C19orf84: variants seen among roughly 807,000 people sequenced by gnomAD.
C19orf84 encodes the protein chromosome 19 open reading frame 84.
Under a neutral mutation model 4.0 loss-of-function variants are expected in C19orf84, and 1 was observed. That is an observed-to-expected ratio of 0.25 (90% confidence interval 0.09 to 1.19). The LOEUF (loss-of-function observed/expected upper bound fraction) is 1.19, where lower values mean the gene tolerates loss of function less well. Among genes scored for constraint, C19orf84 ranks in the 50% most tolerant of loss-of-function variants. The pLI is 0.50. For missense variants in C19orf84, 224 were observed against 246.8 expected, an observed-to-expected ratio of 0.91 and a Z score of 0.62; for synonymous variants, 123 against 109.6, an observed-to-expected ratio of 1.12 and a Z score of -0.76.
Position 51,390,522 on chromosome 19 carries a change from G to C in C19orf84, c.-10C>G, listed in dbSNP as rs1347693915. Reference sequence around the variant, plus strand: ...CCTTTGGTTGTTCCATCTCCACTGGGGCCCTCTTACGTATCTTCTAGCAAC... The same window carrying C: ...CCTTTGGTTGTTCCATCTCCACTGGCGCCCTCTTACGTATCTTCTAGCAAC... On this transcript the variant is annotated 5_prime_UTR_variant, in exon 1 of 2. Transcript: ENST00000574814. 3.9e-6 allele frequency: 6 copies of C among 1,530,360 alleles called. No individual in the cohort carries two copies. The East Asian group carries it at 7.4e-5, about 19-fold the overall frequency. The allele number at this position is 1,530,360 out of a possible 1,614,324, so 94.8% of individuals were successfully genotyped here.
chr19:51,390,072 G>C (rs1394565167), intron 1 of C19orf84, among the ~76,000 whole-genome samples: 2 of 151,704 alleles, frequency 1.3e-5, no homozygotes, highest in Non-Finnish European at 2.9e-5. Context: ...TCTGCCTCTC[G>C]GGTTCAAGCG....
chr19:51,389,981 C>A lies in C19orf84; in HGVS notation c.36-472G>T, dbSNP rs983702080. On this transcript the variant is annotated intron_variant, in intron 1 of 1. Transcript: ENST00000574814. The surrounding 1 kb of genome is among the most constrained non-coding windows in gnomAD (Gnocchi z 4.7). ...CTGTTCGATGAGTATCTGTTTCTAG[C>A]TCTTTTTTTTTTTTGAGATGGGGTT... 6.6e-6 allele frequency among the ~76,000 whole-genome samples: 1 copy of A among 151,512 alleles called. No homozygotes were observed. The highest frequency in any genetic ancestry group is 1.5e-5 in the Non-Finnish European group (1 of 67,872).
rs1359217809 is a variant in C19orf84 at position 51,389,487 on chromosome 19, A to G, written c.58T>C (p.Ser20Pro). The change falls in exon 2 of 2, where the codon TCT (serine) becomes CCT (proline). Residue 20 changes from serine (S) to proline (P), a missense_variant. Coordinates refer to ENST00000574814, the MANE Select transcript of C19orf84 (RefSeq NM_001193623.2). The surrounding 1 kb of genome is among the most constrained non-coding windows in gnomAD (Gnocchi z 4.7). ...GCAGGGGGCCATGGCTCGGTCCCAG[A>G]TGACGGCAGGGACAGGTTGTTCCTA... is the stretch of plus-strand genomic sequence containing the variant. ...PEGNNLSLPS[S>P]GTEPWPPAPL... 1.7e-5 allele frequency: 25 copies of G among 1,431,070 alleles called. No individual in the cohort carries two copies. The highest frequency in any genetic ancestry group is 2.9e-5 in the Admixed American group (1 of 34,640). 88.6% of individuals were successfully genotyped at this position (1,431,070 alleles called of 1,614,324 possible).
In C19orf84 at chr19:51,390,490, G is replaced by GCC; in HGVS notation, c.21_22dup (p.Ala8GlyfsTer32). The stretch of plus-strand genomic sequence containing the variant: ...TTGTTTGTCTCACCCTTCAGGCCCA[G>GCC]CCCCGTCCTTTGGTTGTTCCATCTC... On this transcript the variant is annotated frameshift_variant, in exon 1 of 2. Transcript: ENST00000574814. LOFTEE classifies it low-confidence loss of function (END_TRUNC). 6.5e-7 allele frequency: 1 copy of GCC among 1,533,480 alleles called. No homozygotes were observed. Among genetic ancestry groups the GCC allele is most frequent in the Non-Finnish European group, 8.7e-7 (1 of 1,145,474 alleles). 95.0% of individuals were successfully genotyped at this position (1,533,480 alleles called of 1,614,324 possible).
rs891672297 is a variant in C19orf84, at chr19:51,390,357, T to G, written c.35+121A>C. On this transcript the variant is annotated intron_variant, in intron 1 of 1. Transcript: ENST00000574814. ...TACCTATGTGATGATACCTGAGCCT[T>G]TTTTGTTTTTCCTGATTCTCTATGC... 8.7e-6 allele frequency: 8 copies of G among 924,394 alleles called. No homozygotes were observed. The African/African-American group carries it at 1.4e-4, about 16-fold the overall frequency. 57.3% of individuals were successfully genotyped at this position (924,394 alleles called of 1,614,324 possible).
Position 51,389,538 on chromosome 19 carries a change from G to C in C19orf84, c.36-29C>G. 2 of 1,384,786 alleles carry C rather than the reference G, an allele frequency of 1.4e-6. No individual in the cohort carries two copies. The highest frequency in any genetic ancestry group is 3.6e-5 in the South Asian group (2 of 55,560). 85.8% of individuals were successfully genotyped at this position (1,384,786 alleles called of 1,614,324 possible). ...GAACAACAAAAAGACAGGTCAGTGG[G>C]GCTCAGCGTCTCCGTACTTTCTTGT... On this transcript the variant is annotated intron_variant, in intron 1 of 1. Coordinates refer to ENST00000574814, the MANE Select transcript of C19orf84 (RefSeq NM_001193623.2). The surrounding 1 kb of genome is among the most constrained non-coding windows in gnomAD (Gnocchi z 4.7).
Position 51,389,024 on chromosome 19 carries a change from T to G in C19orf84, c.521A>C (p.Glu174Ala), listed in dbSNP as rs1987189383. ...KEARGPEPPL[E>A]TPLAAEDWET... ...CCAGTCCTCAGCAGCCAGTGGTGTT[T>G]CCAGGGGTGGCTCTGGACCTCGAGC... is the stretch of plus-strand genomic sequence containing the variant. The change falls in exon 2 of 2, where the codon GAA (glutamate) becomes GCA (alanine). Residue 174 changes from glutamate to alanine, a missense_variant. Physicochemically the swap from Glu to Ala is moderately radical, Grantham distance 107 (BLOSUM62 -1). Coordinates refer to ENST00000574814, the MANE Select transcript of C19orf84 (RefSeq NM_001193623.2). The surrounding 1 kb of genome is among the most constrained non-coding windows in gnomAD (Gnocchi z 4.7). 5 of 1,535,744 alleles carry G rather than the reference T, an allele frequency of 3.3e-6. No homozygotes were observed. Among genetic ancestry groups the G allele is most frequent in the Middle Eastern group, 1.7e-4 (1 of 6,012 alleles).
At position 51,389,667 on chromosome 19, in the gene C19orf84, A is replaced by G. The variant is rs1987243354; in HGVS notation, c.36-158T>C. The stretch of plus-strand genomic sequence containing the variant: ...CCCCCGCTTCTCTCTTTTTGTTTCT[A>G]ACCCGGGTCTCTCTAAAGAAACAGA... On this transcript the variant is annotated intron_variant, in intron 1 of 1. Transcript: ENST00000574814. The surrounding 1 kb of genome is among the most constrained non-coding windows in gnomAD (Gnocchi z 4.7). 6.6e-6 allele frequency among the ~76,000 whole-genome samples: 1 copy of G among 152,158 alleles called. No individual in the cohort carries two copies. Among genetic ancestry groups the G allele is most frequent in the Non-Finnish European group, 1.5e-5 (1 of 67,984 alleles).
In C19orf84 at chr19:51,389,399, G is replaced by T; in HGVS notation, c.146C>A (p.Pro49Gln). ...CACGGTGACAGAGGCCACGCTCTCC[G>T]GGAGCCCCAGGTGGGTGGGGTCTGT... The part of the protein sequence containing the change: ...NSTDPTHLGL[P>Q]ESVASVTVPI... The change falls in exon 2 of 2, where the codon CCG becomes CAG. Residue 49 changes from proline (P) to glutamine (Q), a missense_variant. Pro to Gln is a moderately conservative substitution (Grantham distance 76, BLOSUM62 -1). Coordinates refer to ENST00000574814, the MANE Select transcript of C19orf84 (RefSeq NM_001193623.2). This position sits in a 1 kb window ranked among gnomAD's most constrained non-coding sequence, Gnocchi z 4.7. The T allele has an allele frequency of 6.7e-7, 1 of 1,494,952 alleles. No individual in the cohort carries two copies. 92.6% of individuals were successfully genotyped at this position (1,494,952 alleles called of 1,614,324 possible). A position where few individuals can be genotyped will look rare whatever the true frequency, so the allele number is the denominator to read the frequency against.
chr19:51,389,219 C>G lies in C19orf84; in HGVS notation c.326G>C (p.Trp109Ser). 2.6e-6 allele frequency: 4 copies of G among 1,534,278 alleles called. No homozygotes were observed. Among genetic ancestry groups the G allele is most frequent in the Non-Finnish European group, 3.5e-6 (4 of 1,145,784 alleles). The change falls in exon 2 of 2, where the codon TGG becomes TCG. Residue 109 changes from tryptophan to serine, a missense_variant. Transcript: ENST00000574814. This position sits in a 1 kb window ranked among gnomAD's most constrained non-coding sequence, Gnocchi z 4.7. ...CCAGCCTGGCCTGTGCCTGACTTCC[C>G]AGCCTCCGCGTCCCCTGGGAGGCCT... ...VRRPPRGRGGWEVRHRPGWGR... is the reference protein window; with the variant it reads ...VRRPPRGRGGSEVRHRPGWGR...
rs1481313711 is a variant in C19orf84, at chr19:51,389,317, G to A, written c.228C>T (p.Tyr76=). The change falls in exon 2 of 2, where the codon TAC becomes TAT. Residue 76 remains tyrosine (Y), a synonymous_variant. Transcript: ENST00000574814. The surrounding 1 kb of genome is among the most constrained non-coding windows in gnomAD (Gnocchi z 4.7). Reference sequence around the variant, plus strand: ...AAGAGGGCAAGGCCTGTTGGAAGGTGTAGGCCCCCAGCAGGGCGCTGTGCA... The same window carrying A: ...AAGAGGGCAAGGCCTGTTGGAAGGTATAGGCCCCCAGCAGGGCGCTGTGCA... ...CLLHSALLGA[Y]TFQQALPSCP... 4.6e-6 allele frequency: 7 copies of A among 1,535,874 alleles called. No individual in the cohort carries two copies. The African/African-American group carries it at 5.5e-5, about 12-fold the overall frequency.
Position 51,388,593 on chromosome 19 carries a change from A to C in C19orf84, c.*391T>G. 4.3e-6 allele frequency: 1 copy of C among 232,786 alleles called. No individual in the cohort carries two copies. The highest frequency in any genetic ancestry group is 8.5e-6 in the Non-Finnish European group (1 of 118,172). 14.4% of individuals were successfully genotyped at this position (232,786 alleles called of 1,614,324 possible). Reference sequence around the variant, plus strand: ...GGGATGGGAATGAATGGGTTTGGGAACAGGGTATTGAGAGTGGGGAAGAGA... The same window carrying C: ...GGGATGGGAATGAATGGGTTTGGGACCAGGGTATTGAGAGTGGGGAAGAGA... On this transcript the variant is annotated 3_prime_UTR_variant, in exon 2 of 2. Transcript: ENST00000574814.
At chr19:51,390,447 C>T in intron 1 of C19orf84, 31 bp downstream of exon 1, 1 of 1,528,840 alleles carries the variant, frequency 6.5e-7, no homozygotes, top group Non-Finnish European at 8.7e-7. Flanking sequence ...GGGTCTCTGT[C>T]CCCCTCTCAG....
intron 1 of C19orf84, 115 bp downstream of exon 1, chr19:51,390,363 T>C (rs946370789): frequency 5.9e-6 from 6 of 1,021,330 alleles, no homozygotes; most frequent in Admixed American, 3.4e-5. Context: ...GCCTTTTTTG[T>C]TTTTCCTGAT....
chr19:51,390,213 G>T, intron 1 of C19orf84: 2 of 344,042 alleles, frequency 5.8e-6, no homozygotes, highest in East Asian at 4.5e-5. Context: ...CCGACCTCAT[G>T]TGATCCACCC....
Position 51,389,587 on chromosome 19 carries a change from C to T in C19orf84, c.36-78G>A. 1 of 1,255,844 alleles carries T rather than the reference C, an allele frequency of 8.0e-7. No homozygotes were observed. Among genetic ancestry groups the T allele is most frequent in the Admixed American group, 3.6e-5 (1 of 28,024 alleles). The allele number at this position is 1,255,844 out of a possible 1,614,324, so 77.8% of individuals were successfully genotyped here. A position where few individuals can be genotyped will look rare whatever the true frequency, so the allele number is the denominator to read the frequency against. Reference sequence around the variant, plus strand: ...GTTTCTCGCTGCCAGGCTGTCTCTGCACCTCTGCAGAAGGCAGCCATCTCT... The same window carrying T: ...GTTTCTCGCTGCCAGGCTGTCTCTGTACCTCTGCAGAAGGCAGCCATCTCT... On this transcript the variant is annotated intron_variant, in intron 1 of 1. Coordinates refer to ENST00000574814, the MANE Select transcript of C19orf84 (RefSeq NM_001193623.2). This position sits in a 1 kb window ranked among gnomAD's most constrained non-coding sequence, Gnocchi z 4.7.
Position 51,389,672 on chromosome 19 carries a change from G to A in C19orf84, c.36-163C>T, listed in dbSNP as rs1987243844. ...GCTTCTCTCTTTTTGTTTCTAACCC[G>A]GGTCTCTCTAAAGAAACAGACAGCT... On this transcript the variant is annotated intron_variant, in intron 1 of 1. Transcript: ENST00000574814. This position sits in a 1 kb window ranked among gnomAD's most constrained non-coding sequence, Gnocchi z 4.7. Among the ~76,000 whole-genome samples, 1 of 152,154 alleles carries A rather than the reference G, an allele frequency of 6.6e-6. No individual in the cohort carries two copies. Among genetic ancestry groups the A allele is most frequent in the South Asian group, 2.1e-4 (1 of 4,826 alleles).
At position 51,388,727 on chromosome 19, in the gene C19orf84, A is replaced by C. The variant is rs1244302874; in HGVS notation, c.*257T>G. On this transcript the variant is annotated 3_prime_UTR_variant, in exon 2 of 2. Transcript: ENST00000574814. ...GATTGTGGTTGTGGTTGGGGATGGC[A>C]TTGGGAATGGGGTTGAGGCCATCAA... is the stretch of plus-strand genomic sequence containing the variant. 21 of 538,212 alleles carry C rather than the reference A, an allele frequency of 3.9e-5. No homozygotes were observed. The highest frequency in any genetic ancestry group is 6.9e-5 in the Non-Finnish European group (21 of 302,588). 33.3% of individuals were successfully genotyped at this position (538,212 alleles called of 1,614,324 possible).
chr19:51,388,303 T>C lies in C19orf84; in HGVS notation c.*681A>G, dbSNP rs3810092. ...CACACGCAAGATTCAGGGAGAGTCA[T>C]GCGTTTATTGTTCAACCAGGGCTTT... is the stretch of plus-strand genomic sequence containing the variant. On this transcript the variant is annotated 3_prime_UTR_variant, in exon 2 of 2. Transcript: ENST00000574814. The C allele has an allele frequency of 0.21, 32,999 of 156,780 alleles. 4,336 individuals carry two copies. The highest frequency in any genetic ancestry group is 0.3 in the Middle Eastern group (92 of 302). The allele number at this position is 156,780 out of a possible 1,614,324, so 9.7% of individuals were successfully genotyped here.
Sources: gnomAD v4.1 joint callset for allele counts (sites outside exome capture counted in the v4.1 genomes callset) on GRCh38, gnomAD v4.1.1 for gene constraint, Gnocchi (gnomAD v3.1) non-coding constraint, MANE v1.5 for transcripts, NCBI Gene and HGNC (gene_info 2026-07-23, HGNC 2026-07-21) for gene names.